Variants in MYO7A observed in about 807,000 individuals in gnomAD.
MYO7A encodes the protein myosin VIIA, also known as unconventional myosin-VIIa.
Under a neutral mutation model 263.8 loss-of-function variants are expected in MYO7A, and 210 were observed. That is an observed-to-expected ratio of 0.80 (90% CI 0.71 to 0.89). The LOEUF is 0.89. Among genes scored for constraint, MYO7A ranks in the 40% least tolerant of loss-of-function variants. MYO7A has a pLI of 0.00. For missense variants in MYO7A, 2,820 were observed against 2,968.3 expected (o/e 0.95, Z 1.16); for synonymous variants, 1,239 against 1,197.3 (o/e 1.03, Z -0.72).
intron 15 of MYO7A, among the ~76,000 whole-genome samples, chr11:77,172,496 G>C (rs1954190713): frequency 6.6e-6 from 1 of 152,174 alleles, no homozygotes; most frequent in African/African-American, 2.4e-5. Context: ...AGATCTTCCT[G>C]TAGGGTTCAC....
At position 77,182,508 on chromosome 11, in the gene MYO7A, A is replaced by G. The variant is rs763798045; in HGVS notation, c.3193A>G (p.Ser1065Gly). 17 of 1,612,136 alleles carry G rather than the reference A, an allele frequency of 1.1e-5. No individual in the cohort carries two copies. Among genetic ancestry groups the G allele is most frequent in the Non-Finnish European group, 1.4e-5 (17 of 1,179,786 alleles). ...GTACCACACAGCCATGAGTGATGGC[A>G]GTGAGAAGATCCCTGTGATGACCAA... ...PKYHTAMSDG[S>G]EKIPVMTKIY... The change falls in exon 25 of 49, where the codon AGT becomes GGT. Residue 1065 changes from serine to glycine, a missense_variant. Physicochemically the swap from Ser to Gly is moderately conservative, Grantham distance 56. Transcript: ENST00000409709.
At chr11:77,134,054 C>A (rs1410576305) in intron 2 of MYO7A, among the ~76,000 whole-genome samples, 1 of 151,966 alleles carries the variant, frequency 6.6e-6, no homozygotes, top group Admixed American at 6.6e-5. Flanking sequence ...CTCAGCCTCC[C>A]AAGTAGCTGG....
chr11:77,160,728 T>A (rs1191784575), intron 11 of MYO7A, among the ~76,000 whole-genome samples: 1 of 151,996 alleles, frequency 6.6e-6, no homozygotes, highest in East Asian at 1.9e-4. Context: ...CCCTGCTGCA[T>A]GGTCAGGGAA....
chr11:77,175,490 T>C, intron 18 of MYO7A, 26 bp downstream of exon 18: 1 of 1,600,232 alleles, frequency 6.2e-7, no homozygotes, highest in East Asian at 2.2e-5. Flanking sequence ...TTCCCTGGGC[T>C]GCCCTGGGGG....
chr11:77,138,440 A>C lies in MYO7A; in HGVS notation c.19-4269A>C, dbSNP rs377524669. On this transcript the variant is annotated intron_variant, in intron 2 of 48. Transcript: ENST00000409709. This position sits in a 1 kb window ranked among gnomAD's most constrained non-coding sequence, Gnocchi z 4.9. ...CCGGTGAGGCCCGGGCCAGGAGGGGAGAAGGGAGGGGGAGGGCGCCTCGCC... is the reference window on the plus strand; with the variant it reads ...CCGGTGAGGCCCGGGCCAGGAGGGGCGAAGGGAGGGGGAGGGCGCCTCGCC... Among the ~76,000 whole-genome samples the C allele has an allele frequency of 1.0e-3, 158 of 151,826 alleles. 1 individual carries two copies. The highest frequency in any genetic ancestry group is 3.7e-3 in the African/African-American group (153 of 41,414).
intron 3 of MYO7A, 39 bp downstream of exon 3, chr11:77,142,861 G>T (rs782122285): frequency 1.3e-6 from 2 of 1,507,170 alleles, no homozygotes; most frequent in Non-Finnish European, 1.8e-6. Context: ...CATGCCTTGG[G>T]GTCAGACCTG....
At chr11:77,148,285 C>T (rs1368842499) in intron 4 of MYO7A, among the ~76,000 whole-genome samples, 5 of 152,208 alleles carry the variant, frequency 3.3e-5, no homozygotes, top group African/African-American at 1.2e-4. Flanking sequence ...TTTGCCCATG[C>T]ACAGGAGGGC....
chr11:77,158,062 A>T (rs1555065177), intron 8 of MYO7A, among the ~76,000 whole-genome samples: 1 of 152,038 alleles, frequency 6.6e-6, no homozygotes, highest in African/African-American at 2.4e-5. Flanking sequence ...GCACCCCCAG[A>T]TGTGGAGAAT....
At chr11:77,162,438 CCT>C in intron 13 of MYO7A, 108 bp downstream of exon 13, 1 of 1,107,656 alleles carries the variant, frequency 9.0e-7, no homozygotes, top group Non-Finnish European at 1.3e-6. Context: ...ATGATACCCA[CCT>C]CTCAAGTTGG....
intron 30 of MYO7A, 187 bp downstream of exon 30, chr11:77,191,057 C>A: frequency 6.4e-6 from 4 of 622,434 alleles, no homozygotes; most frequent in Non-Finnish European, 1.1e-5. Context: ...TGCGGTGGTT[C>A]ACACCTGTAA....
In MYO7A at chr11:77,208,315, G is replaced by T. The variant is rs186168960; in HGVS notation, c.5857-115G>T. Reference sequence around the variant, plus strand: ...GGGCTGACACACAGAAACCCCTTCCGGCTGGGAGTGGAGTCTTCCCTGAGA... The same window carrying T: ...GGGCTGACACACAGAAACCCCTTCCTGCTGGGAGTGGAGTCTTCCCTGAGA... On this transcript the variant is annotated intron_variant, in intron 42 of 48. Transcript: ENST00000409709. The T allele has an allele frequency of 2.0e-5, 16 of 804,032 alleles. 2 individuals are homozygous for T. The African/African-American group carries it at 2.7e-4, about 14-fold the overall frequency. The allele number at this position is 804,032 out of a possible 1,614,324, so 49.8% of individuals were successfully genotyped here.
intron 48 of MYO7A, 45 bp from the exon 49 acceptor site, chr11:77,214,562 C>T (rs371097436): frequency 7.1e-7 from 1 of 1,412,442 alleles, no homozygotes; most frequent in South Asian, 1.2e-5. Flanking sequence ...AGTGGCTGGC[C>T]CTGTCCCACC....
intron 21 of MYO7A, 23 bp downstream of exon 21, chr11:77,179,976 C>A (rs1565405911): frequency 1.5e-5 from 23 of 1,509,298 alleles, no homozygotes; most frequent in Non-Finnish European, 2.0e-5. Flanking sequence ...GTCCATAGCA[C>A]CCACAGCTCT....
intron 15 of MYO7A, among the ~76,000 whole-genome samples, chr11:77,170,321 C>T (rs1247494244): frequency 6.6e-5 from 10 of 152,128 alleles, no homozygotes; most frequent in African/African-American, 2.4e-4. Context: ...AGCACAGATG[C>T]CCTGAGGTGC....
At chr11:77,208,902 C>T in intron 44 of MYO7A, 99 bp downstream of exon 44, 1 of 960,176 alleles carries the variant, frequency 1.0e-6, no homozygotes, top group Admixed American at 2.1e-5. Context: ...GGTGTGGGGC[C>T]CGTACCAGCC....
chr11:77,134,139 C>T (rs1950846292), intron 2 of MYO7A, among the ~76,000 whole-genome samples: 1 of 152,174 alleles, frequency 6.6e-6, no homozygotes, highest in Non-Finnish European at 1.5e-5. Context: ...CCATGCTGGT[C>T]AGGCTGGTCT....
rs1555067667 is a variant in MYO7A at position 77,160,272 on chromosome 11, C to A, written c.1190C>A (p.Ala397Asp). Residue 397 changes from alanine to aspartate, a missense_variant, in exon 11 of 49, where the codon GCC becomes GAC. Coordinates refer to ENST00000409709, the MANE Select transcript of MYO7A (RefSeq NM_000260.4). ...GAACAGGCACTGGACGTGCGCGACG[C>A]CTTCGTAAAGGTGGGCTGGAGGGAA... ...SREQALDVRDAFVKGIYGRLF... is the reference protein window; with the variant it reads ...SREQALDVRDDFVKGIYGRLF... 2.6e-6 allele frequency: 4 copies of A among 1,563,768 alleles called. No homozygotes were observed. The Admixed American group carries it at 5.7e-5, about 22-fold the overall frequency.
rs1958053468 is a variant in MYO7A at position 77,214,822 on chromosome 11, A to C, written c.*126A>C. ...GGCAGCGAGGCTGGGCTGGCCAGCCACCACTGACTATACCAACTGGGCCTC... is the reference window on the plus strand; with the variant it reads ...GGCAGCGAGGCTGGGCTGGCCAGCCCCCACTGACTATACCAACTGGGCCTC... On this transcript the variant is annotated 3_prime_UTR_variant, in exon 49 of 49. Transcript: ENST00000409709. The C allele has an allele frequency of 1.4e-6, 1 of 726,704 alleles. No individual in the cohort carries two copies. The highest frequency in any genetic ancestry group is 2.3e-6 in the Non-Finnish European group (1 of 438,596). The allele number at this position is 726,704 out of a possible 1,614,324, so 45.0% of individuals were successfully genotyped here. A position where few individuals can be genotyped will look rare whatever the true frequency, so the allele number is the denominator to read the frequency against.
intron 33 of MYO7A, among the ~76,000 whole-genome samples, chr11:77,197,874 T>C (rs970176501): frequency 2.6e-5 from 4 of 152,254 alleles, no homozygotes; most frequent in Non-Finnish European, 5.9e-5. Flanking sequence ...CTCTGGTCAA[T>C]GCTGCTGAGT....
Sources: gnomAD v4.1 joint callset for allele counts (sites outside exome capture counted in the v4.1 genomes callset) on GRCh38, gnomAD v4.1.1 for gene constraint, Gnocchi (gnomAD v3.1) non-coding constraint, MANE v1.5 for transcripts, NCBI Gene and HGNC (gene_info 2026-07-23, HGNC 2026-07-21) for gene names.